The following CDH18 variants were observed in gnomAD, a reference collection of about 807,000 sequenced individuals.
CDH18 encodes the protein cadherin-18.
Under a neutral mutation model 67.9 loss-of-function variants are expected in CDH18, and 31 were observed. The ratio of observed to expected loss-of-function variants is 0.46; its 90% CI spans 0.34 to 0.62. The LOEUF is 0.62. Ranked by LOEUF, CDH18 falls within the 20% of genes least tolerant of loss-of-function variation. CDH18 has a pLI of 0.01. For synonymous variants in CDH18, 362 were observed against 347.2 expected (o/e 1.04, Z -0.48); for missense variants, 890 against 975.5 (o/e 0.91, Z 1.17).
At chr5:19,900,194 C>T (rs1463305962) in intron 2 of CDH18, among the ~76,000 whole-genome samples, 2 of 151,840 alleles carry the variant, frequency 1.3e-5, no homozygotes, top group African/African-American at 4.8e-5. Flanking sequence ...AAATGTTGTT[C>T]TCACAGATAT....
chr5:20,159,043 G>T (rs1751773114), intron 2 of CDH18: 1 of 153,596 alleles, frequency 6.5e-6, no homozygotes, highest in Non-Finnish European at 1.5e-5. Context: ...CAACATAGAT[G>T]ATGTGAATGA....
chr5:19,513,961 A>T (rs1209262722), intron 10 of CDH18, among the ~76,000 whole-genome samples: 2 of 152,004 alleles, frequency 1.3e-5, no homozygotes, highest in African/African-American at 4.8e-5. Context: ...TTCGTCATTT[A>T]CATTAGATAT....
intron 4 of CDH18, among the ~76,000 whole-genome samples, chr5:19,743,423 T>C (rs1158722487): frequency 2.6e-5 from 4 of 152,138 alleles, no homozygotes; most frequent in South Asian, 2.1e-4. Context: ...TGTAAATATT[T>C]TGGGCATTGT....
chr5:20,199,953 T>G (rs1192273959), intron 2 of CDH18, among the ~76,000 whole-genome samples: 1 of 152,190 alleles, frequency 6.6e-6, no homozygotes, highest in Non-Finnish European at 1.5e-5. Context: ...CTCGATTTCC[T>G]GAGGCCTCCC....
chr5:20,378,442 C>T (rs1253745901), intron 1 of CDH18, among the ~76,000 whole-genome samples: 1 of 152,092 alleles, frequency 6.6e-6, no homozygotes, highest in African/African-American at 2.4e-5. Context: ...TGGAGGCAGT[C>T]CTGCGAGGGT....
At chr5:19,476,445 G>A (rs1386070215) in intron 12 of CDH18, among the ~76,000 whole-genome samples, 1 of 151,942 alleles carries the variant, frequency 6.6e-6, no homozygotes, top group Non-Finnish European at 1.5e-5. Flanking sequence ...TTATTTTGGG[G>A]TAAAAAAGGC....
chr5:19,808,392 T>C (rs1033723730), intron 3 of CDH18, among the ~76,000 whole-genome samples: 1 of 152,022 alleles, frequency 6.6e-6, no homozygotes, highest in Non-Finnish European at 1.5e-5. Flanking sequence ...AATGTCTTTG[T>C]TATGTGAGGT....
At chr5:20,395,282 C>A (rs1745195986) in intron 1 of CDH18, among the ~76,000 whole-genome samples, 1 of 152,100 alleles carries the variant, frequency 6.6e-6, no homozygotes, top group South Asian at 2.1e-4. Flanking sequence ...GAAATAATAC[C>A]TTTTGCAGCA....
At chr5:19,613,557 C>T (rs1489127479) in intron 5 of CDH18, among the ~76,000 whole-genome samples, 1 of 151,990 alleles carries the variant, frequency 6.6e-6, no homozygotes, top group Non-Finnish European at 1.5e-5. Context: ...CTTAGTAGTG[C>T]AAAGAGGGAC....
intron 2 of CDH18, among the ~76,000 whole-genome samples, chr5:20,109,362 T>C (rs1232200123): frequency 2.0e-5 from 3 of 152,210 alleles, no homozygotes; most frequent in African/African-American, 7.2e-5. Flanking sequence ...GCAGAGGGCA[T>C]GAAAGACAGA....
intron 6 of CDH18, among the ~76,000 whole-genome samples, chr5:19,603,608 A>T (rs886896180): frequency 1.3e-5 from 2 of 151,712 alleles, no homozygotes; most frequent in African/African-American, 4.8e-5. Context: ...TGAAGAAGAG[A>T]CACAACAAAT....
intron 2 of CDH18, among the ~76,000 whole-genome samples, chr5:20,220,702 G>C (rs1283778827): frequency 6.6e-6 from 1 of 151,672 alleles, no homozygotes; most frequent in Non-Finnish European, 1.5e-5. Flanking sequence ...ACAGAATGGG[G>C]GAAAATATTT....
intron 2 of CDH18, among the ~76,000 whole-genome samples, chr5:19,979,073 C>G (rs1230357203): frequency 6.6e-6 from 1 of 152,116 alleles, no homozygotes; most frequent in African/African-American, 2.4e-5. Flanking sequence ...TCAGAAGCTA[C>G]TTCACTTAGT....
At chr5:19,479,608 C>A (rs1739058412) in intron 12 of CDH18, among the ~76,000 whole-genome samples, 1 of 152,100 alleles carries the variant, frequency 6.6e-6, no homozygotes, top group African/African-American at 2.4e-5. Context: ...CCAATTCCAT[C>A]TTCTTCTCTT....
chr5:19,759,056 T>C (rs1771999402), intron 3 of CDH18, among the ~76,000 whole-genome samples: 1 of 152,242 alleles, frequency 6.6e-6, no homozygotes, highest in African/African-American at 2.4e-5. Flanking sequence ...CTGGTGGGCC[T>C]TATGGATAGG....
At chr5:19,666,102 C>T (rs1461223563) in intron 5 of CDH18, among the ~76,000 whole-genome samples, 1 of 151,566 alleles carries the variant, frequency 6.6e-6, no homozygotes, top group Admixed American at 6.6e-5. Flanking sequence ...CAGGGTCTTG[C>T]TCTGTCACCC....
chr5:19,824,288 C>T (rs1451045243), intron 3 of CDH18, among the ~76,000 whole-genome samples: 1 of 152,072 alleles, frequency 6.6e-6, no homozygotes, highest in Non-Finnish European at 1.5e-5. Flanking sequence ...GAAACCACGT[C>T]GGGACCCATC....
intron 1 of CDH18, among the ~76,000 whole-genome samples, chr5:20,435,518 T>C (rs1028494951): frequency 5.9e-5 from 9 of 151,958 alleles, no homozygotes; most frequent in Non-Finnish European, 1.3e-4. Context: ...AAACCTCAAT[T>C]GTGGGTAAGG....
intron 2 of CDH18, among the ~76,000 whole-genome samples, chr5:20,053,754 ACTT>A (rs1741653377): frequency 6.6e-6 from 1 of 152,014 alleles, no homozygotes; most frequent in Non-Finnish European, 1.5e-5. Flanking sequence ...TCTACTCTTC[ACTT>A]TCATCTCCTC....
Sources: allele counts gnomAD v4.1 joint callset (sites outside exome capture counted in the v4.1 genomes callset), GRCh38; gene constraint gnomAD v4.1.1; transcripts MANE v1.5; gene names NCBI Gene and HGNC (gene_info 2026-07-23, HGNC 2026-07-21).